Variants in DNAH11 observed in about 807,000 individuals in gnomAD.
DNAH11 encodes dynein axonemal heavy chain 11.
Under a neutral mutation model 526.0 loss-of-function variants are expected in DNAH11, and 442 were observed. That is an observed-to-expected ratio of 0.84 (90% CI 0.78 to 0.91). The LOEUF is 0.91. Among genes scored for constraint, DNAH11 ranks in the 40% least tolerant of loss-of-function variants. DNAH11 has a pLI of 0.00. For synonymous variants in DNAH11, 2,461 were observed against 1,935.9 expected (o/e 1.27, Z -7.12); for missense variants, 6,989 against 5,448.7 (o/e 1.28, Z -8.90).
chr7:21,814,635 T>G (rs929770264), intron 63 of DNAH11, among the ~76,000 whole-genome samples: 9 of 151,738 alleles, frequency 5.9e-5, no homozygotes, highest in African/African-American at 1.9e-4. Context: ...TTCACAAAAT[T>G]TATTTTTAAA....
intron 51 of DNAH11, 147 bp downstream of exon 51, chr7:21,745,210 C>G: frequency 1.2e-6 from 1 of 848,774 alleles, no homozygotes; most frequent in South Asian, 2.0e-5. Context: ...ATAAAAGGGT[C>G]GCTTTTTAAT....
chr7:21,637,789 A>T, intron 27 of DNAH11, 87 bp downstream of exon 27: 1 of 746,032 alleles, frequency 1.3e-6, no homozygotes, highest in Non-Finnish European at 2.0e-6. Context: ...ATACTGTGTT[A>T]TGGAGGTGCA....
At chr7:21,622,088 A>T (rs1440088815) in intron 25 of DNAH11, among the ~76,000 whole-genome samples, 3 of 152,122 alleles carry the variant, frequency 2.0e-5, no homozygotes, top group Non-Finnish European at 4.4e-5. Flanking sequence ...TCAGCCCAAA[A>T]TCTCCTTAAG....
chr7:21,844,281 C>G (rs1364033751), intron 66 of DNAH11, among the ~76,000 whole-genome samples: 1 of 152,116 alleles, frequency 6.6e-6, no homozygotes, highest in East Asian at 1.9e-4. Flanking sequence ...AAAAAATTAG[C>G]CAAGTGTGGT....
intron 69 of DNAH11, among the ~76,000 whole-genome samples, chr7:21,863,192 T>C (rs1783137384): frequency 6.6e-6 from 1 of 152,266 alleles, no homozygotes; most frequent in Admixed American, 6.5e-5. Flanking sequence ...TTATGTCTTT[T>C]TCTATCCAAA....
intron 31 of DNAH11, 77 bp from the exon 32 acceptor site, chr7:21,683,707 G>A (rs1025570138): frequency 1.4e-6 from 2 of 1,418,580 alleles, no homozygotes; most frequent in South Asian, 1.8e-5. Flanking sequence ...ATGTGAACCA[G>A]TAGAGTTGAT....
intron 36 of DNAH11, among the ~76,000 whole-genome samples, chr7:21,699,209 A>T (rs1783965805): frequency 6.6e-6 from 1 of 152,096 alleles, no homozygotes; most frequent in Non-Finnish European, 1.5e-5. Flanking sequence ...GTAATTCTTT[A>T]TTTAAAGGTA....
At chr7:21,748,951 T>C (rs527734651) in intron 52 of DNAH11, among the ~76,000 whole-genome samples, 7 of 152,310 alleles carry the variant, frequency 4.6e-5, no homozygotes, top group African/African-American at 1.4e-4. Flanking sequence ...ACAAGTTTTG[T>C]GTAGGTTTAA....
intron 66 of DNAH11, among the ~76,000 whole-genome samples, chr7:21,848,929 A>G (rs988828256): frequency 3.9e-5 from 6 of 152,098 alleles, no homozygotes; most frequent in African/African-American, 1.4e-4. Flanking sequence ...CTTGTTGCCC[A>G]GGCTGGAGTG....
At chr7:21,766,283 G>A (rs896825355) in intron 55 of DNAH11, among the ~76,000 whole-genome samples, 1 of 152,186 alleles carries the variant, frequency 6.6e-6, no homozygotes, top group Admixed American at 6.5e-5. Context: ...ATGAGGTTAT[G>A]ATTTAGATTT....
At chr7:21,557,069 A>C (rs1294165244) in intron 2 of DNAH11, among the ~76,000 whole-genome samples, 1 of 152,058 alleles carries the variant, frequency 6.6e-6, no homozygotes, top group Non-Finnish European at 1.5e-5. Flanking sequence ...TCTCAAAAAA[A>C]AAAAAAGTGA....
intron 30 of DNAH11, among the ~76,000 whole-genome samples, chr7:21,668,623 C>T (rs779288384): frequency 6.6e-6 from 1 of 152,120 alleles, no homozygotes; most frequent in Non-Finnish European, 1.5e-5. Flanking sequence ...CATTTTTCAA[C>T]GAACATATTT....
intron 9 of DNAH11, among the ~76,000 whole-genome samples, chr7:21,584,096 A>G (rs1784403519): frequency 6.6e-6 from 1 of 152,242 alleles, no homozygotes; most frequent in African/African-American, 2.4e-5. Flanking sequence ...CCAAAGGATT[A>G]TAAGTCATTC....
chr7:21,705,072 G>A (rs573674670), intron 38 of DNAH11, among the ~76,000 whole-genome samples: 1 of 152,198 alleles, frequency 6.6e-6, no homozygotes, highest in Non-Finnish European at 1.5e-5. Context: ...TTTGAATTCA[G>A]TGAATGCATG....
At chr7:21,827,440 ATAT>A (rs923168142) in intron 65 of DNAH11, among the ~76,000 whole-genome samples, 153 of 151,668 alleles carry the variant, frequency 1.0e-3, no homozygotes, top group South Asian at 5.0e-3. Flanking sequence ...TATTATTTAA[ATAT>A]TATTATAATT....
At chr7:21,715,339 C>G (rs933746416) in intron 42 of DNAH11, among the ~76,000 whole-genome samples, 1 of 152,192 alleles carries the variant, frequency 6.6e-6, no homozygotes, top group Non-Finnish European at 1.5e-5. Flanking sequence ...TGGAACAGTT[C>G]TGCAGGAAGG....
At chr7:21,648,917 GAC>G (rs1438095265) in intron 28 of DNAH11, among the ~76,000 whole-genome samples, 1 of 151,340 alleles carries the variant, frequency 6.6e-6, no homozygotes, top group Non-Finnish European at 1.5e-5. Flanking sequence ...TTATTGTTTT[GAC>G]ATCAGTGAGT....
Position 21,861,942 on chromosome 7 carries a change from C to A in DNAH11, c.11292C>A (p.Ile3764=). ...QGRISILMES[I]THAVFLYTSQ... is the part of the protein sequence containing the mutation. The stretch of plus-strand genomic sequence containing the variant: ...GCATCTCTATCCTGATGGAGAGCAT[C>A]ACCCATGCTGTCTTCCTCTACACCA... The change falls in exon 69 of 82, where the codon ATC becomes ATA. Residue 3764 remains isoleucine, a synonymous_variant. Coordinates refer to ENST00000409508, the MANE Select transcript of DNAH11 (RefSeq NM_001277115.2). 6.2e-7 allele frequency: 1 copy of A among 1,613,648 alleles called. No homozygotes were observed. The highest frequency in any genetic ancestry group is 1.1e-5 in the South Asian group (1 of 91,014).
At chr7:21,579,405 C>T (rs1215947919) in intron 8 of DNAH11, among the ~76,000 whole-genome samples, 1 of 152,144 alleles carries the variant, frequency 6.6e-6, no homozygotes, top group Admixed American at 6.5e-5. Context: ...AGAATGTAGA[C>T]AGGCAGTTAT....
Sources: gnomAD v4.1 joint callset for allele counts (sites outside exome capture counted in the v4.1 genomes callset) on GRCh38, gnomAD v4.1.1 for gene constraint, MANE v1.5 for transcripts, NCBI Gene and HGNC (gene_info 2026-07-23, HGNC 2026-07-21) for gene names.